The following PRKDC variants were observed in gnomAD, a reference collection of about 807,000 sequenced individuals.
PRKDC encodes protein kinase, DNA-activated, catalytic subunit.
A neutral mutation model predicts 486.9 loss-of-function variants in PRKDC; 82 were observed. The observed-to-expected ratio is 0.17, with a 90% confidence interval of 0.14 to 0.20. The LOEUF is 0.20. Ranked by LOEUF, PRKDC falls within the 10% of genes least tolerant of loss-of-function variation. PRKDC has a pLI of 1.00. For missense variants in PRKDC, 4,504 were observed against 5,038.2 expected (o/e 0.89, Z 3.21); for synonymous variants, 1,895 against 1,837.0 (o/e 1.03, Z -0.81).
At chr8:47,894,722 C>G (rs1020684599) in intron 30 of PRKDC, among the ~76,000 whole-genome samples, 2 of 152,178 alleles carry the variant, frequency 1.3e-5, no homozygotes, top group African/African-American at 4.8e-5. Context: ...TTCCTGTACC[C>G]AGGACTGCTG....
At chr8:47,829,666 G>A (rs896591487) in intron 61 of PRKDC, among the ~76,000 whole-genome samples, 2 of 151,762 alleles carry the variant, frequency 1.3e-5, no homozygotes, top group East Asian at 1.9e-4. Flanking sequence ...GCACAATCCC[G>A]TTTACAACAG....
chr8:47,923,777 G>A (rs1589795651), intron 21 of PRKDC, among the ~76,000 whole-genome samples: 1 of 152,144 alleles, frequency 6.6e-6, no homozygotes, highest in East Asian at 1.9e-4. Context: ...CAGGAACCTT[G>A]GTCCTCCAAT....
Position 47,826,714 on chromosome 8 carries a change from G to T in PRKDC, c.8725C>A (p.Arg2909=), listed in dbSNP as rs1369192395. 6.2e-7 allele frequency: 1 copy of T among 1,613,370 alleles called. No homozygotes were observed. The highest frequency in any genetic ancestry group is 1.8e-4 in the Middle Eastern group (1 of 5,682). Residue 2909 remains arginine (R), a synonymous_variant, in exon 63 of 86, where the codon CGA becomes AGA. Coordinates refer to ENST00000314191, the MANE Select transcript of PRKDC (RefSeq NM_006904.7). The stretch of plus-strand genomic sequence containing the variant: ...GGGAGGCGGGCCTTCCCACGGACTC[G>T]CTTGGCAGGCAGCTCAGCAGGCAGC... ...RLLPAELPAK[R]VRGKARLPPD... is the part of the protein sequence containing the mutation.
chr8:47,936,387 T>C lies in PRKDC; in HGVS notation c.1244A>G (p.Gln415Arg), dbSNP rs2090352322. Residue 415 changes from glutamine (Q) to arginine (R), a missense_variant, in exon 12 of 86, where the codon CAG becomes CGG. Coordinates refer to ENST00000314191, the MANE Select transcript of PRKDC (RefSeq NM_006904.7). ...GTACAGCAAGACGCTTGCAACAGAC[T>C]GGAGGAAGCTTGGCATCTGATAAAC... ...DRVYQMPSFL[Q>R]SVASVLLYLD... The C allele has an allele frequency of 1.2e-6, 2 of 1,613,874 alleles. No homozygotes were observed. Among genetic ancestry groups the C allele is most frequent in the Non-Finnish European group, 1.7e-6 (2 of 1,179,808 alleles).
At chr8:47,851,172 T>C (rs1490266433) in intron 52 of PRKDC, among the ~76,000 whole-genome samples, 1 of 152,248 alleles carries the variant, frequency 6.6e-6, no homozygotes, top group African/African-American at 2.4e-5. Flanking sequence ...CGTATCACTT[T>C]TATATTCAGA....
chr8:47,886,713 G>A (rs2089340543), intron 35 of PRKDC, among the ~76,000 whole-genome samples: 1 of 151,910 alleles, frequency 6.6e-6, no homozygotes, highest in Non-Finnish European at 1.5e-5. Flanking sequence ...TTAAAGACAG[G>A]GTGTCACTCT....
chr8:47,856,006 C>T (rs2088532979), intron 49 of PRKDC, among the ~76,000 whole-genome samples: 1 of 152,210 alleles, frequency 6.6e-6, no homozygotes, highest in Non-Finnish European at 1.5e-5. Flanking sequence ...GTTCCACTCT[C>T]TTGAGTTCAG....
intron 59 of PRKDC, among the ~76,000 whole-genome samples, chr8:47,833,334 A>G (rs1437550833): frequency 1.3e-5 from 2 of 152,154 alleles, no homozygotes; most frequent in African/African-American, 4.8e-5. Context: ...ACTTCCACAG[A>G]GCTGAGCTTC....
rs1375523924 is a variant in PRKDC, at chr8:47,823,925, A to C, written c.8855T>G (p.Ile2952Ser). 1.2e-6 allele frequency: 2 copies of C among 1,613,870 alleles called. No homozygotes were observed. Among genetic ancestry groups the C allele is most frequent in the South Asian group, 2.2e-5 (2 of 91,082 alleles). The change falls in exon 64 of 86, where the codon ATC (isoleucine) becomes AGC (serine). Residue 2952 changes from isoleucine to serine, a missense_variant. Coordinates refer to ENST00000314191, the MANE Select transcript of PRKDC (RefSeq NM_006904.7). ...TTCTGCTAATAATGCACTCTGAGTG[A>C]TTTGCTTTGTTCCTATCTCACTGGT... ...IFTSEIGTKQ[I>S]TQSALLAEAR...
rs1178333410 is a variant in PRKDC, at chr8:47,913,752, ATAAG to A, written c.2781+145_2781+148del. ...CATTTATCAATGACACTGACTTCTA[ATAAG>A]TAAGTAGTTTTCTAATTACTATATT... On this transcript the variant is annotated intron_variant, in intron 24 of 85. Transcript: ENST00000314191. 4 of 739,646 alleles carry A rather than the reference ATAAG, an allele frequency of 5.4e-6. No homozygotes were observed. In the East Asian group the frequency reaches 9.7e-5, roughly 18 times the overall value. 45.8% of individuals were successfully genotyped at this position (739,646 alleles called of 1,614,324 possible).
At chr8:47,834,818 G>C (rs1337107574) in intron 58 of PRKDC, among the ~76,000 whole-genome samples, 1 of 151,092 alleles carries the variant, frequency 6.6e-6, no homozygotes, top group African/African-American at 2.4e-5. Context: ...AGCCTCCCGA[G>C]TAGCTGGGAC....
At chr8:47,939,405 G>A (rs904316023) in intron 11 of PRKDC, 146 bp downstream of exon 11, 2 of 845,010 alleles carry the variant, frequency 2.4e-6, no homozygotes, top group Middle Eastern at 3.4e-4. Context: ...CTGCATGTAA[G>A]TGAGCCTGTG....
chr8:47,901,146 C>G (rs2089674449), intron 27 of PRKDC, among the ~76,000 whole-genome samples: 1 of 147,296 alleles, frequency 6.8e-6, no homozygotes, highest in African/African-American at 2.5e-5. Flanking sequence ...AAGACCCTGT[C>G]TCAGACGAAA....
intron 1 of PRKDC, among the ~76,000 whole-genome samples, chr8:47,958,915 T>C (rs1184160377): frequency 1.3e-5 from 2 of 152,106 alleles, no homozygotes; most frequent in South Asian, 2.1e-4. Context: ...TTTGTATTTT[T>C]AGTAGAGACA....
chr8:47,906,121 G>T (rs1456682001), intron 25 of PRKDC, among the ~76,000 whole-genome samples: 1 of 152,206 alleles, frequency 6.6e-6, no homozygotes, highest in South Asian at 2.1e-4. Flanking sequence ...GCCAAGTCGG[G>T]AGGGTCTTTT....
intron 41 of PRKDC, 113 bp downstream of exon 41, chr8:47,864,443 T>A (rs2088756473): frequency 3.2e-6 from 3 of 944,164 alleles, no homozygotes; most frequent in Non-Finnish European, 3.1e-6. Flanking sequence ...CAGACTGTTA[T>A]GTGGCACACT....
intron 38 of PRKDC, among the ~76,000 whole-genome samples, chr8:47,881,004 GCCACTGTA>G (rs2089202155): frequency 6.7e-6 from 1 of 150,148 alleles, no homozygotes; most frequent in African/African-American, 2.5e-5. Flanking sequence ...CCATGATTGT[GCCACTGTA>G]CTTCAGCCTG....
chr8:47,831,818 T>C lies in PRKDC; in HGVS notation c.8261A>G (p.Glu2754Gly). 3.7e-6 allele frequency: 6 copies of C among 1,613,830 alleles called. No individual in the cohort carries two copies. The highest frequency in any genetic ancestry group is 5.1e-6 in the Non-Finnish European group (6 of 1,179,728). ...ARKGVAEQKR[E>G]KEIKSELKMK... ...AATTCTTGACAAGATACAAACCTTCTCTCGTTTTTGCTCAGCAACGCCTTT... is the reference window on the plus strand; with the variant it reads ...AATTCTTGACAAGATACAAACCTTCCCTCGTTTTTGCTCAGCAACGCCTTT... Residue 2754 changes from glutamate (E) to glycine (G), a missense_variant, in exon 60 of 86, where the codon GAG becomes GGG. Physicochemically the swap from Glu to Gly is moderately conservative, Grantham distance 98. This residue lies in a region of PRKDC where 1,592 missense variants were observed against 1,724.6 expected (regional missense o/e 0.92). Transcript: ENST00000314191.
At chr8:47,834,070 G>A in intron 59 of PRKDC, 126 bp downstream of exon 59, 1 of 1,277,768 alleles carries the variant, frequency 7.8e-7, no homozygotes, top group Admixed American at 1.9e-5. Context: ...AACATTAACT[G>A]AATTTTAAAG....
Sources: allele counts gnomAD v4.1 joint callset (sites outside exome capture counted in the v4.1 genomes callset), GRCh38; gene constraint gnomAD v4.1.1; regional missense constraint gnomAD v4.1.1; transcripts MANE v1.5; gene names NCBI Gene and HGNC (gene_info 2026-07-23, HGNC 2026-07-21).